Variants in TCF7L1 observed in about 807,000 individuals in gnomAD.
TCF7L1 encodes the protein transcription factor 7 like 1, also known as transcription factor 7-like 1.
A neutral mutation model predicts 63.7 loss-of-function variants in TCF7L1; 18 were observed. The observed-to-expected ratio is 0.28, with a 90% CI of 0.20 to 0.42. The LOEUF is 0.42. Among genes scored for constraint, TCF7L1 ranks in the 10% least tolerant of loss-of-function variants. The pLI, the probability that TCF7L1 is intolerant of heterozygous loss-of-function variation, is 1.00. For missense variants in TCF7L1, 654 were observed against 779.3 expected (o/e 0.84, Z 1.91); for synonymous variants, 355 against 340.9 (o/e 1.04, Z -0.46).
At chr2:85,232,263 GTCTC>G (rs1680098495) in intron 3 of TCF7L1, among the ~76,000 whole-genome samples, 1 of 152,136 alleles carries the variant, frequency 6.6e-6, no homozygotes, top group Non-Finnish European at 1.5e-5. Flanking sequence ...GTTATTTTAA[GTCTC>G]TCTCAGGAAT....
intron 3 of TCF7L1, among the ~76,000 whole-genome samples, chr2:85,219,360 T>G (rs1348208728): frequency 6.6e-6 from 1 of 152,136 alleles, no homozygotes; most frequent in Non-Finnish European, 1.5e-5. Context: ...AAATCAAAGA[T>G]GCACATATCT....
At chr2:85,161,921 T>G (rs1415985274) in intron 3 of TCF7L1, among the ~76,000 whole-genome samples, 1 of 151,986 alleles carries the variant, frequency 6.6e-6, no homozygotes, top group Non-Finnish European at 1.5e-5. Flanking sequence ...CAGTCCCACA[T>G]GGGAAACAGA....
chr2:85,201,213 A>G (rs1040748759), intron 3 of TCF7L1, among the ~76,000 whole-genome samples: 2 of 152,170 alleles, frequency 1.3e-5, no homozygotes, highest in African/African-American at 4.8e-5. Flanking sequence ...AAGAAAACAA[A>G]AACAAAAACA....
At position 85,134,037 on chromosome 2, in the gene TCF7L1, G is replaced by T. The variant is rs532409221; in HGVS notation, c.271G>T (p.Val91Phe). The change falls in exon 2 of 12, where the codon GTC (valine) becomes TTC (phenylalanine). Residue 91 changes from valine to phenylalanine, a missense_variant. Physicochemically the swap from Val to Phe is conservative, Grantham distance 50 (BLOSUM62 -1). This residue lies in a region of TCF7L1 where 404 missense variants were observed against 454.8 expected (regional missense o/e 0.89). Transcript: ENST00000282111. The surrounding 1 kb of genome is among the most constrained non-coding windows in gnomAD (Gnocchi z 5.0). ...DSEAERRPQP[V>F]RDTFQKPRDY... ...GCAGGCGGAGAGGCGCCCGCAGCCC[G>T]TCCGGGACACTTTCCAGAAGCCGCG... The T allele has an allele frequency of 1.9e-6, 3 of 1,610,784 alleles. No individual in the cohort carries two copies. Among genetic ancestry groups the T allele is most frequent in the Admixed American group, 1.7e-5 (1 of 59,870 alleles).
At chr2:85,282,631 C>T (rs1681444157) in intron 3 of TCF7L1, among the ~76,000 whole-genome samples, 1 of 152,090 alleles carries the variant, frequency 6.6e-6, no homozygotes, top group African/African-American at 2.4e-5. Flanking sequence ...ATCACTCATT[C>T]AGGGTCACAC....
chr2:85,250,071 TAGAA>T (rs895328840), intron 3 of TCF7L1, among the ~76,000 whole-genome samples: 3 of 152,314 alleles, frequency 2.0e-5, no homozygotes, highest in African/African-American at 4.8e-5. Context: ...AAATTAATGA[TAGAA>T]AGAGAAGTGG....
intron 3 of TCF7L1, among the ~76,000 whole-genome samples, chr2:85,155,907 G>T (rs537454832): frequency 1.3e-5 from 2 of 152,178 alleles, no homozygotes; most frequent in Non-Finnish European, 2.9e-5. Context: ...ACTAATTAAC[G>T]CAGGCAGAAC....
intron 3 of TCF7L1, among the ~76,000 whole-genome samples, chr2:85,259,492 T>C (rs1238267685): frequency 6.6e-6 from 1 of 152,148 alleles, no homozygotes; most frequent in Non-Finnish European, 1.5e-5. Flanking sequence ...TGAGGGAAAA[T>C]TGTGAAAGAA....
rs369612755 is a variant in TCF7L1, at chr2:85,196,679, T to C, written c.441+62229T>C. Among the ~76,000 whole-genome samples, 17 of 152,194 alleles carry C rather than the reference T, an allele frequency of 1.1e-4. No homozygotes were observed. The East Asian group carries it at 3.3e-3, about 29-fold the overall frequency. ...GCCACCACACCCAGCCCGGACTTTATAAGGTTCCAGGTGATTCCAATGTGT... is the reference window on the plus strand; with the variant it reads ...GCCACCACACCCAGCCCGGACTTTACAAGGTTCCAGGTGATTCCAATGTGT... On this transcript the variant is annotated intron_variant, in intron 3 of 11. Coordinates refer to ENST00000282111, the MANE Select transcript of TCF7L1 (RefSeq NM_031283.3).
intron 3 of TCF7L1, among the ~76,000 whole-genome samples, chr2:85,149,398 T>C (rs1677958200): frequency 6.6e-6 from 1 of 151,434 alleles, no homozygotes; most frequent in South Asian, 2.1e-4. Context: ...GTAGGATATA[T>C]GTAAGCAGTA....
At chr2:85,157,500 T>C (rs1678176881) in intron 3 of TCF7L1, among the ~76,000 whole-genome samples, 2 of 152,200 alleles carry the variant, frequency 1.3e-5, no homozygotes, top group Admixed American at 6.5e-5. Flanking sequence ...AGGGACTGGC[T>C]TGGAAACCAG....
chr2:85,215,535 A>G (rs565692060), intron 3 of TCF7L1, among the ~76,000 whole-genome samples: 8 of 152,226 alleles, frequency 5.3e-5, no homozygotes, highest in African/African-American at 1.4e-4. Flanking sequence ...GAGCGGGAAC[A>G]TGGTCGAGTT....
At chr2:85,231,316 C>T (rs1238000668) in intron 3 of TCF7L1, among the ~76,000 whole-genome samples, 2 of 152,334 alleles carry the variant, frequency 1.3e-5, no homozygotes, top group East Asian at 1.9e-4. Context: ...TCCTGAGTAG[C>T]TCTAGAAGAC....
intron 4 of TCF7L1, among the ~76,000 whole-genome samples, chr2:85,287,140 G>A (rs866985482): frequency 1.3e-5 from 2 of 152,080 alleles, no homozygotes; most frequent in African/African-American, 2.4e-5. Context: ...ACTGCAGCCC[G>A]GCTTAGCGCT....
chr2:85,223,528 G>A (rs754084071), intron 3 of TCF7L1, among the ~76,000 whole-genome samples: 6 of 152,172 alleles, frequency 3.9e-5, no homozygotes, highest in Non-Finnish European at 7.3e-5. Context: ...CAAGTGAGCT[G>A]CTGGAGGTGG....
At chr2:85,224,819 A>G (rs1679922291) in intron 3 of TCF7L1, among the ~76,000 whole-genome samples, 1 of 152,100 alleles carries the variant, frequency 6.6e-6, no homozygotes, top group South Asian at 2.1e-4. Context: ...TTTTGTTGCC[A>G]TTGCTTTTGG....
chr2:85,212,089 C>CAAAAAAAAAA (rs61280306), intron 3 of TCF7L1, among the ~76,000 whole-genome samples: 4 of 69,808 alleles, frequency 5.7e-5, no homozygotes, highest in African/African-American at 9.8e-5. Flanking sequence ...GACTCCATCT[C>CAAAAAAAAAA]AAAAAAAAAA....
intron 11 of TCF7L1, among the ~76,000 whole-genome samples, chr2:85,308,442 TTTCTCTTTC>T (rs1682184442): frequency 5.6e-5 from 4 of 71,798 alleles, no homozygotes; most frequent in South Asian, 6.4e-4. Flanking sequence ...TCTCCCTCCC[TTTCTCTTTC>T]CCTCCCTCTC....
At chr2:85,234,901 C>T (rs193188300) in intron 3 of TCF7L1, among the ~76,000 whole-genome samples, 8 of 152,198 alleles carry the variant, frequency 5.3e-5, no homozygotes, top group East Asian at 1.9e-4. Flanking sequence ...GGGGATGGGC[C>T]GAGGTTTGGG....
Sources: allele counts gnomAD v4.1 joint callset (sites outside exome capture counted in the v4.1 genomes callset), GRCh38; gene constraint gnomAD v4.1.1; regional missense constraint gnomAD v4.1.1; non-coding constraint Gnocchi (gnomAD v3.1); transcripts MANE v1.5; gene names NCBI Gene and HGNC (gene_info 2026-07-23, HGNC 2026-07-21).